METTL16: variants seen among roughly 807,000 people sequenced by gnomAD.
METTL16 encodes methyltransferase 16, RNA N6-adenosine.
Under a neutral mutation model 57.9 loss-of-function variants are expected in METTL16, and 19 were observed. That is an observed-to-expected ratio of 0.33 (90% CI 0.23 to 0.48). The LOEUF (loss-of-function observed/expected upper bound fraction) is 0.48. Ranked by LOEUF, METTL16 falls within the 20% of genes least tolerant of loss-of-function variation. The pLI is 0.99. For missense variants in METTL16, 434 were observed against 691.5 expected (o/e 0.63, Z 4.18); for synonymous variants, 246 against 255.6 (o/e 0.96, Z 0.36).
chr17:2,420,502 C>T lies in METTL16; in HGVS notation c.1157G>A (p.Arg386Lys). The change falls in exon 10 of 10, where the codon AGA becomes AAA. Residue 386 changes from arginine to lysine, a missense_variant. By Grantham distance (26) the Arg-to-Lys change is conservative. This residue lies in a region of METTL16 where 26 missense variants were observed against 63.0 expected (regional missense o/e 0.41). Coordinates refer to ENST00000263092, the MANE Select transcript of METTL16 (RefSeq NM_024086.4). The surrounding 1 kb of genome is among the most constrained non-coding windows in gnomAD (Gnocchi z 5.4). ...NSWIHLRRKKRERVRQLREVP... is the reference protein window; with the variant it reads ...NSWIHLRRKKKERVRQLREVP... The stretch of plus-strand genomic sequence containing the variant: ...TTCTCTCAGCTGTCTCACACGCTCT[C>T]TTTTCTTTCTCCTTAAATGAATCCA... 2 of 1,614,100 alleles carry T rather than the reference C, an allele frequency of 1.2e-6. No homozygotes were observed. Among genetic ancestry groups the T allele is most frequent in the Non-Finnish European group, 8.5e-7 (1 of 1,180,038 alleles).
At chr17:2,491,878 A>C (rs1426462072) in intron 2 of METTL16, among the ~76,000 whole-genome samples, 4 of 139,682 alleles carry the variant, frequency 2.9e-5, no homozygotes, top group Non-Finnish European at 6.3e-5. Flanking sequence ...CCGTCTCACA[A>C]AAAAAAAAAA....
intron 6 of METTL16, among the ~76,000 whole-genome samples, chr17:2,448,781 T>TAAAAAAAA (rs1369462081): frequency 3.0e-5 from 1 of 33,694 alleles, no homozygotes; most frequent in Non-Finnish European, 6.7e-5. Context: ...AATAAAAAAA[T>TAAAAAAAA]AAAAAAATAA....
intron 2 of METTL16, among the ~76,000 whole-genome samples, chr17:2,484,364 C>T (rs78261821): frequency 2.0e-5 from 3 of 152,266 alleles, no homozygotes; most frequent in Non-Finnish European, 2.9e-5. Flanking sequence ...CCTAAACATA[C>T]GGCACAAGGT....
At chr17:2,453,314 G>A (rs987310257) in intron 6 of METTL16, among the ~76,000 whole-genome samples, 1 of 152,158 alleles carries the variant, frequency 6.6e-6, no homozygotes, top group Non-Finnish European at 1.5e-5. Context: ...TTAGGATTGC[G>A]AATTTCATGT....
intron 1 of METTL16, among the ~76,000 whole-genome samples, chr17:2,504,875 G>A (rs1463616313): frequency 1.3e-5 from 2 of 151,946 alleles, no homozygotes; most frequent in South Asian, 2.1e-4. Flanking sequence ...CCCAGCTTGG[G>A]GGTTAGTTTT....
intron 5 of METTL16, among the ~76,000 whole-genome samples, chr17:2,467,187 G>A (rs1430318936): frequency 6.6e-6 from 1 of 152,032 alleles, no homozygotes; most frequent in African/African-American, 2.4e-5. Context: ...AGAGCCGAAA[G>A]TACTTCAAAC....
intron 2 of METTL16, among the ~76,000 whole-genome samples, chr17:2,482,007 C>T (rs1031651297): frequency 6.6e-6 from 1 of 151,978 alleles, no homozygotes; most frequent in African/African-American, 2.4e-5. Context: ...ACTACAAAGC[C>T]CTTAGAGGAA....
At chr17:2,426,771 A>G (rs1038256744) in intron 8 of METTL16, among the ~76,000 whole-genome samples, 2 of 151,510 alleles carry the variant, frequency 1.3e-5, no homozygotes, top group African/African-American at 2.4e-5. Flanking sequence ...AGCAAGGGGA[A>G]GAAAACTATT....
At chr17:2,494,775 G>A (rs1158913524) in intron 2 of METTL16, among the ~76,000 whole-genome samples, 4 of 151,862 alleles carry the variant, frequency 2.6e-5, no homozygotes, top group African/African-American at 9.7e-5. Context: ...TGAGGCAGGC[G>A]AATCATGAGG....
At chr17:2,472,075 T>C (rs2073622578) in intron 4 of METTL16, among the ~76,000 whole-genome samples, 1 of 150,908 alleles carries the variant, frequency 6.6e-6, no homozygotes, top group Non-Finnish European at 1.5e-5. Flanking sequence ...GATCATACCA[T>C]TGCATTCCAG....
chr17:2,471,033 T>C (rs981882293), intron 4 of METTL16, among the ~76,000 whole-genome samples: 12 of 152,110 alleles, frequency 7.9e-5, no homozygotes, highest in South Asian at 4.1e-4. Flanking sequence ...CAGAAGAGAA[T>C]AGATATAGTC....
At chr17:2,474,929 CTT>C (rs1035110174) in intron 3 of METTL16, among the ~76,000 whole-genome samples, 51 of 146,950 alleles carry the variant, frequency 3.5e-4, no homozygotes, top group Non-Finnish European at 4.9e-4. Context: ...CTCTCTCTCT[CTT>C]ACAATATTGA....
chr17:2,505,185 T>A (rs1420709347), intron 1 of METTL16, among the ~76,000 whole-genome samples: 1 of 151,756 alleles, frequency 6.6e-6, no homozygotes, highest in African/African-American at 2.4e-5. Context: ...TCTCTCTGGG[T>A]GGCAAGTGAC....
At chr17:2,499,331 C>CTTTT (rs1004416909) in intron 2 of METTL16, among the ~76,000 whole-genome samples, 1 of 127,612 alleles carries the variant, frequency 7.8e-6, no homozygotes. Flanking sequence ...AAAACTATAT[C>CTTTT]TTTTTTTTTT....
chr17:2,446,806 C>G (rs939620777), intron 6 of METTL16, among the ~76,000 whole-genome samples: 1 of 152,164 alleles, frequency 6.6e-6, no homozygotes, highest in African/African-American at 2.4e-5. Flanking sequence ...TGGTCTCCAG[C>G]TCCTAGCCGT....
chr17:2,453,528 A>T (rs1175580391), intron 6 of METTL16, among the ~76,000 whole-genome samples: 1 of 152,336 alleles, frequency 6.6e-6, no homozygotes, highest in South Asian at 2.1e-4. Flanking sequence ...GGTGCGTCAC[A>T]TCAGGAGATG....
chr17:2,496,872 G>A (rs915186172), intron 2 of METTL16, among the ~76,000 whole-genome samples: 1 of 151,698 alleles, frequency 6.6e-6, no homozygotes, highest in Non-Finnish European at 1.5e-5. Context: ...TGCAGCAAAA[G>A]GGCCCTTAAC....
intron 2 of METTL16, among the ~76,000 whole-genome samples, chr17:2,488,856 A>G (rs1043121946): frequency 5.3e-5 from 8 of 152,226 alleles, no homozygotes; most frequent in African/African-American, 1.9e-4. Flanking sequence ...AGTGGCCTTA[A>G]ATTATTATTC....
chr17:2,439,323 G>A (rs951912709), intron 7 of METTL16, among the ~76,000 whole-genome samples: 2 of 151,950 alleles, frequency 1.3e-5, no homozygotes, highest in Non-Finnish European at 2.9e-5. Flanking sequence ...TGTTGCCCAG[G>A]CTGGTCTTGA....
Sources: gnomAD v4.1 joint callset for allele counts (sites outside exome capture counted in the v4.1 genomes callset) on GRCh38, gnomAD v4.1.1 for gene constraint, gnomAD v4.1.1 regional missense constraint, Gnocchi (gnomAD v3.1) non-coding constraint, MANE v1.5 for transcripts, NCBI Gene and HGNC (gene_info 2026-07-23, HGNC 2026-07-21) for gene names.